Variants in HERC1 observed in about 807,000 individuals in gnomAD.
HERC1 encodes the protein probable E3 ubiquitin-protein ligase HERC1.
In HERC1, 160 loss-of-function variants were observed where a neutral mutation model predicts 554.3. The observed-to-expected ratio is 0.29, with a 90% confidence interval of 0.25 to 0.33. HERC1 has a LOEUF of 0.33. Ranked by LOEUF, HERC1 falls within the 10% of genes least tolerant of loss-of-function variation. The pLI, the probability that HERC1 is intolerant of heterozygous loss-of-function variation, is 1.00. For synonymous variants in HERC1, 2,175 were observed against 2,131.7 expected (o/e 1.02, Z -0.56); for missense variants, 4,919 against 5,918.5 (o/e 0.83, Z 5.54).
rs558043425 is a variant in HERC1, at chr15:63,747,127, G to T, written c.2355-44C>A. 31 of 1,545,030 alleles carry T rather than the reference G, an allele frequency of 2.0e-5. No individual in the cohort carries two copies. The South Asian group carries it at 3.4e-4, about 17-fold the overall frequency. On this transcript the variant is annotated intron_variant, in intron 11 of 77. Transcript: ENST00000443617. ...CTATGAATTCTCGGATCATAAAAGTGCCTGTGCTATCCAGTTTGGGTAACA... is the reference window on the plus strand; with the variant it reads ...CTATGAATTCTCGGATCATAAAAGTTCCTGTGCTATCCAGTTTGGGTAACA...
At chr15:63,783,098 A>C (rs753451725) in intron 1 of HERC1, among the ~76,000 whole-genome samples, 1 of 152,228 alleles carries the variant, frequency 6.6e-6, no homozygotes, top group Non-Finnish European at 1.5e-5. Flanking sequence ...ATATTACATA[A>C]ATTTAATTGA....
intron 12 of HERC1, among the ~76,000 whole-genome samples, chr15:63,735,798 T>C (rs188432738): frequency 6.6e-6 from 1 of 152,308 alleles, no homozygotes; most frequent in Admixed American, 6.5e-5. Context: ...AAAATTCAAG[T>C]ACACAAGAAG....
At chr15:63,720,103 C>CTTT (rs573648232) in intron 19 of HERC1, among the ~76,000 whole-genome samples, 1,650 of 71,608 alleles carry the variant, frequency 0.023, 228 homozygotes, top group Middle Eastern at 0.042. Context: ...TTTTTCTTCC[C>CTTT]TTTTTTTTTT....
At chr15:63,647,016 A>G (rs2069385733) in intron 55 of HERC1, among the ~76,000 whole-genome samples, 1 of 152,108 alleles carries the variant, frequency 6.6e-6, no homozygotes, top group Non-Finnish European at 1.5e-5. Flanking sequence ...GCACTTTGGG[A>G]GGCTGAGGCA....
intron 1 of HERC1, among the ~76,000 whole-genome samples, chr15:63,777,537 T>C (rs1350856795): frequency 1.3e-5 from 2 of 152,352 alleles, no homozygotes; most frequent in East Asian, 3.9e-4. Flanking sequence ...GAACATCTTA[T>C]GTTTGTTGGT....
In HERC1 at chr15:63,734,009, A is replaced by T. The variant is rs1460780409; in HGVS notation, c.2646+715T>A. On this transcript the variant is annotated intron_variant, in intron 13 of 77. Transcript: ENST00000443617. This position sits in a 1 kb window ranked among gnomAD's most constrained non-coding sequence, Gnocchi z 4.6. ...AAGACCCCACCGCTATAAAAATAAG[A>T]AAAAAAAATTAGCCGGGTGTGGTGG... Among the ~76,000 whole-genome samples, 1 of 142,702 alleles carries T rather than the reference A, an allele frequency of 7.0e-6. No homozygotes were observed. The highest frequency in any genetic ancestry group is 3.0e-5 in the African/African-American group (1 of 32,920). The allele number at this position is 142,702 out of a possible 152,430, so 93.6% of individuals were successfully genotyped here.
chr15:63,800,712 G>A (rs1015275219), intron 1 of HERC1, among the ~76,000 whole-genome samples: 4 of 152,158 alleles, frequency 2.6e-5, no homozygotes, highest in South Asian at 2.1e-4. Context: ...ATGTCCATTT[G>A]TGGCATAAGA....
At chr15:63,670,516 T>A (rs530500167) in intron 39 of HERC1, among the ~76,000 whole-genome samples, 1 of 152,286 alleles carries the variant, frequency 6.6e-6, no homozygotes, top group South Asian at 2.1e-4. Flanking sequence ...TAAATGATGT[T>A]CGCCCAGTAA....
At chr15:63,812,838 T>C (rs2077373307) in intron 1 of HERC1, among the ~76,000 whole-genome samples, 1 of 152,076 alleles carries the variant, frequency 6.6e-6, no homozygotes, top group African/African-American at 2.4e-5. Context: ...TCAAAATAGA[T>C]GGAAAGACAT....
intron 39 of HERC1, among the ~76,000 whole-genome samples, 172 bp from the exon 40 acceptor site, chr15:63,669,870 C>G (rs2070815967): frequency 6.6e-6 from 1 of 152,194 alleles, no homozygotes; most frequent in South Asian, 2.1e-4. Flanking sequence ...TCTCATGCAG[C>G]ACTTTCAGTA....
intron 1 of HERC1, among the ~76,000 whole-genome samples, chr15:63,828,327 T>C (rs908638774): frequency 1.3e-5 from 2 of 151,366 alleles, no homozygotes; most frequent in Non-Finnish European, 2.9e-5. Flanking sequence ...GTGACACTTT[T>C]CAGTACAACT....
intron 76 of HERC1, among the ~76,000 whole-genome samples, chr15:63,614,821 T>C (rs1334766318): frequency 6.6e-6 from 1 of 152,198 alleles, no homozygotes; most frequent in Non-Finnish European, 1.5e-5. Flanking sequence ...ATAACTCAAA[T>C]GAAATAGAAA....
chr15:63,692,755 G>A lies in HERC1; in HGVS notation c.5675-189C>T, dbSNP rs948598494. On this transcript the variant is annotated intron_variant, in intron 30 of 77. Transcript: ENST00000443617. This position sits in a 1 kb window ranked among gnomAD's most constrained non-coding sequence, Gnocchi z 4.7. ...AGAAAACAAAGCCTAAACTTGAAAC[G>A]CCTTTTACATCTCTGTACAATAAAA... is the stretch of plus-strand genomic sequence containing the variant. Among the ~76,000 whole-genome samples the A allele has an allele frequency of 3.9e-5, 6 of 152,256 alleles. No homozygotes were observed. Among genetic ancestry groups the A allele is most frequent in the Non-Finnish European group, 4.4e-5 (3 of 68,020 alleles).
intron 11 of HERC1, 48 bp downstream of exon 11, chr15:63,747,674 ACG>A (rs988089662): frequency 6.3e-5 from 68 of 1,079,178 alleles, no homozygotes; most frequent in African/African-American, 9.5e-5. Flanking sequence ...ACATGCACAC[ACG>A]CGCGCGCACA....
rs750475334 is a variant in HERC1, at chr15:63,712,835, G to T, written c.4524C>A (p.Ile1508=). 1.9e-6 allele frequency: 3 copies of T among 1,613,544 alleles called. No homozygotes were observed. Among genetic ancestry groups the T allele is most frequent in the South Asian group, 2.2e-5 (2 of 91,016 alleles). Residue 1508 remains isoleucine (I), a synonymous_variant, in exon 24 of 78, where the codon ATC becomes ATA. Transcript: ENST00000443617. The part of the protein sequence containing the change: ...LVHTSPNYRL[I]KSRSESDLSQ... ...ACAAATCAGATTCACTCCTCGATTT[G>T]ATCAGTCTATAATTTGGGCTTGTGT...
At chr15:63,636,901 C>T (rs907044755) in intron 64 of HERC1, 7 of 282,228 alleles carry the variant, frequency 2.5e-5, no homozygotes, top group African/African-American at 6.6e-5. Context: ...ATCTTTACTG[C>T]TGTGCTCTTC....
Position 63,718,869 on chromosome 15 carries a change from C to T in HERC1, c.3771G>A (p.Glu1257=), listed in dbSNP as rs1363701732. The change falls in exon 20 of 78, where the codon GAG becomes GAA. Residue 1257 remains glutamate, a synonymous_variant. Coordinates refer to ENST00000443617, the MANE Select transcript of HERC1 (RefSeq NM_003922.4). The surrounding 1 kb of genome is among the most constrained non-coding windows in gnomAD (Gnocchi z 4.2). ...ATCTAGACACAGTGTCCAAGAGTGA[C>T]TCATTACTTAAAGTTGCACTGTCCC... The part of the protein sequence containing the change: ...KDWDSATLSN[E]SLLDTVSRFV... 6.2e-7 allele frequency: 1 copy of T among 1,611,230 alleles called. No individual in the cohort carries two copies. The highest frequency in any genetic ancestry group is 1.3e-5 in the African/African-American group (1 of 74,954).
intron 40 of HERC1, among the ~76,000 whole-genome samples, chr15:63,666,686 C>T (rs2070660066): frequency 6.6e-6 from 1 of 152,112 alleles, no homozygotes; most frequent in Admixed American, 6.5e-5. Flanking sequence ...TGTAGAGGTA[C>T]TATAAGAGTA....
intron 71 of HERC1, among the ~76,000 whole-genome samples, chr15:63,625,468 G>A (rs1371845965): frequency 6.6e-6 from 1 of 151,990 alleles, no homozygotes; most frequent in Non-Finnish European, 1.5e-5. Flanking sequence ...GGAGGTGGGG[G>A]GGATCATTTG....
Sources: gnomAD v4.1 joint callset for allele counts (sites outside exome capture counted in the v4.1 genomes callset) on GRCh38, gnomAD v4.1.1 for gene constraint, Gnocchi (gnomAD v3.1) non-coding constraint, MANE v1.5 for transcripts, NCBI Gene and HGNC (gene_info 2026-07-23, HGNC 2026-07-21) for gene names.